The following C6 variants were observed in gnomAD, a reference collection of about 807,000 sequenced individuals.
The protein encoded by C6 is complement C6, also known as complement component C6.
Under a neutral mutation model 112.9 loss-of-function variants are expected in C6, and 101 were observed. That is an observed-to-expected ratio of 0.89 (90% CI 0.76 to 1.06). The LOEUF is 1.06. C6 is among the 50% of genes least tolerant of loss of function. The pLI is 0.00. For missense variants in C6, 1,202 were observed against 1,104.6 expected (o/e 1.09, Z -1.25); for synonymous variants, 431 against 384.1 (o/e 1.12, Z -1.43).
chr5:41,200,891 G>GTTTTTTTTTTTTTTTT (rs143443464), intron 3 of C6, among the ~76,000 whole-genome samples: 27 of 70,652 alleles, frequency 3.8e-4, no homozygotes, highest in Non-Finnish European at 5.1e-4. Flanking sequence ...TGTTGTTGTT[G>GTTTTTTTTTTTTTTTT]TTTTTTTTTT....
In C6 at chr5:41,159,146, C is replaced by G. The variant is rs764310313; in HGVS notation, c.1792G>C (p.Gly598Arg). The change falls in exon 12 of 18, where the codon GGG becomes CGG. Residue 598 changes from glycine to arginine, a missense_variant. Physicochemically the swap from Gly to Arg is moderately radical, Grantham distance 125 (BLOSUM62 -2). Coordinates refer to ENST00000337836, the MANE Select transcript of C6 (RefSeq NM_000065.5). ...ECNNPAPQRG[G>R]KRCEGEKRQE... The stretch of plus-strand genomic sequence containing the variant: ...CGCTTCTCCCCCTCACAGCGTTTCC[C>G]TCCTCGTTGGGGGGCAGGATTATTG... The G allele has an allele frequency of 1.5e-5, 25 of 1,613,594 alleles. No homozygotes were observed. The highest frequency in any genetic ancestry group is 5.0e-5 in the Admixed American group (3 of 59,940).
At chr5:41,158,867 G>T (rs1747188162) in intron 12 of C6, 82 bp from the exon 13 acceptor site, 5 of 989,734 alleles carry the variant, frequency 5.1e-6, no homozygotes, top group Non-Finnish European at 8.1e-6. Flanking sequence ...GTGTATACAT[G>T]TGTACACATT....
Position 41,149,231 on chromosome 5 carries a change from T to G in C6, c.2623+10A>C. ...TGAGAGCATTTAGTATGGTCACCAT[T>G]GGAACTTACCTGAACATTTTTCCCA... On this transcript the variant is annotated intron_variant, in intron 17 of 17. Transcript: ENST00000337836. 6.2e-7 allele frequency: 1 copy of G among 1,613,974 alleles called. No homozygotes were observed.
chr5:41,247,719 GA>G (rs376007818), intron 1 of C6, among the ~76,000 whole-genome samples: 3,567 of 74,124 alleles, frequency 0.048, 46 homozygotes, highest in Non-Finnish European at 0.064. Context: ...CTCCATCTCA[GA>G]AAAAAAAAAA....
chr5:41,181,622 TC>T (rs1749360183), intron 6 of C6, 63 bp from the exon 7 acceptor site: 1 of 1,268,244 alleles, frequency 7.9e-7, no homozygotes, highest in Admixed American at 1.9e-5. Context: ...CTTGTGGATA[TC>T]TAATGAAATG....
intron 2 of C6, among the ~76,000 whole-genome samples, chr5:41,201,934 G>T (rs1751066225): frequency 6.6e-6 from 1 of 152,060 alleles, no homozygotes; most frequent in Non-Finnish European, 1.5e-5. Context: ...GAAACCTCTT[G>T]CTCAAAACTA....
chr5:41,247,987 G>T (rs960448986), intron 1 of C6, among the ~76,000 whole-genome samples: 2 of 152,034 alleles, frequency 1.3e-5, no homozygotes, highest in Admixed American at 1.3e-4. Flanking sequence ...CAGACACATA[G>T]ACCAATGGAA....
intron 9 of C6, among the ~76,000 whole-genome samples, chr5:41,165,226 A>T (rs1220469133): frequency 6.6e-6 from 1 of 152,180 alleles, no homozygotes; most frequent in East Asian, 1.9e-4. Context: ...TATCCAATAA[A>T]TGAACAATGT....
chr5:41,164,991 C>T (rs1747857529), intron 9 of C6, among the ~76,000 whole-genome samples: 1 of 152,122 alleles, frequency 6.6e-6, no homozygotes, highest in African/African-American at 2.4e-5. Context: ...TGCTTTTATC[C>T]AGTCATTATT....
intron 1 of C6, among the ~76,000 whole-genome samples, chr5:41,232,799 C>A (rs369674770): frequency 1.6e-4 from 24 of 151,778 alleles, no homozygotes; most frequent in Non-Finnish European, 2.4e-4. Context: ...ATTCATAGCA[C>A]CTTATTTTTT....
At chr5:41,149,570 A>G in intron 16 of C6, 88 bp from the exon 17 acceptor site, 1 of 1,559,828 alleles carries the variant, frequency 6.4e-7, no homozygotes, top group Non-Finnish European at 8.8e-7. Flanking sequence ...TCACTCACCA[A>G]CCAGTTTTCT....
chr5:41,156,569 A>G (rs73750295), intron 13 of C6, among the ~76,000 whole-genome samples: 3,317 of 152,282 alleles, frequency 0.022, 127 homozygotes, highest in African/African-American at 0.075. Flanking sequence ...GAATTGACTA[A>G]GCAGTTGTTC....
At chr5:41,226,132 C>G (rs1223834991) in intron 1 of C6, among the ~76,000 whole-genome samples, 4 of 152,140 alleles carry the variant, frequency 2.6e-5, no homozygotes, top group Non-Finnish European at 4.4e-5. Context: ...AGCTTCTGCA[C>G]AGCAAAAGAA....
chr5:41,205,929 TC>T (rs2150376422), intron 1 of C6, among the ~76,000 whole-genome samples: 1 of 152,244 alleles, frequency 6.6e-6, no homozygotes, highest in South Asian at 2.1e-4. Flanking sequence ...CTCAAGTGGG[TC>T]CCTGACCCCC....
chr5:41,233,622 G>GC (rs1740044359), intron 1 of C6, among the ~76,000 whole-genome samples: 1 of 152,054 alleles, frequency 6.6e-6, no homozygotes, highest in Non-Finnish European at 1.5e-5. Context: ...TTGGAAGGAG[G>GC]CAGACACATT....
Position 41,194,554 on chromosome 5 carries a change from G to A in C6, c.587+1238C>T, listed in dbSNP as rs111276518. ...TGTGGCTGTTTGTCTTTGGTGCCTC[G>A]AGTTTTCATATTATGCAACTCTGGC... On this transcript the variant is annotated intron_variant, in intron 5 of 17. Transcript: ENST00000337836. 5.9e-5 allele frequency among the ~76,000 whole-genome samples: 9 copies of A among 152,174 alleles called. No homozygotes were observed. The South Asian group carries it at 1.4e-3, about 25-fold the overall frequency.
upstream of C6, chr5:41,261,462 A>T (rs909518002): frequency 6.6e-6 from 1 of 152,446 alleles, no homozygotes; most frequent in Admixed American, 6.5e-5. Flanking sequence ...TGTATGCTAA[A>T]CCGGATTGAG....
At position 41,153,989 on chromosome 5, in the gene C6, C is replaced by T; in HGVS notation, c.2111G>A (p.Cys704Tyr). The T allele has an allele frequency of 6.2e-7, 1 of 1,613,520 alleles. No homozygotes were observed. Among genetic ancestry groups the T allele is most frequent in the Non-Finnish European group, 8.5e-7 (1 of 1,179,602 alleles). Residue 704 changes from cysteine (C) to tyrosine (Y), a missense_variant, in exon 15 of 18, where the codon TGC (cysteine) becomes TAC (tyrosine). Coordinates refer to ENST00000337836, the MANE Select transcript of C6 (RefSeq NM_000065.5). Reference sequence around the variant, plus strand: ...GACTTCCTGCACAACTGGCTTGATGCACTCCGTCCCTGCAAGAGAGCAACA... The same window carrying T: ...GACTTCCTGCACAACTGGCTTGATGTACTCCGTCCCTGCAAGAGAGCAACA... The part of the protein sequence containing the change: ...QGDVECQRTE[C>Y]IKPVVQEVLT...
chr5:41,211,896 C>T (rs1751962754), intron 1 of C6, among the ~76,000 whole-genome samples: 1 of 152,146 alleles, frequency 6.6e-6, no homozygotes. Context: ...CAGACACTGT[C>T]TTTTAACTTC....
Sources: gnomAD v4.1 joint callset for allele counts (sites outside exome capture counted in the v4.1 genomes callset) on GRCh38, gnomAD v4.1.1 for gene constraint, MANE v1.5 for transcripts, NCBI Gene and HGNC (gene_info 2026-07-23, HGNC 2026-07-21) for gene names.